MDGA2: variants seen among roughly 807,000 people sequenced by gnomAD.
The protein encoded by MDGA2 is MAM domain-containing glycosylphosphatidylinositol anchor protein 2.
In MDGA2, 40 loss-of-function variants were observed where a neutral mutation model predicts 117.8. The ratio of observed to expected loss-of-function variants is 0.34; its 90% CI spans 0.26 to 0.44. The LOEUF (loss-of-function observed/expected upper bound fraction) is 0.44. Ranked by LOEUF, MDGA2 falls within the 20% of genes least tolerant of loss-of-function variation. The pLI, the probability that MDGA2 is intolerant of heterozygous loss-of-function variation, is 1.00. For missense variants in MDGA2, 1,123 were observed against 1,250.6 expected, an observed-to-expected ratio of 0.90 and a Z score of 1.54; for synonymous variants, 452 against 439.0, an observed-to-expected ratio of 1.03 and a Z score of -0.37.
intron 1 of MDGA2, among the ~76,000 whole-genome samples, chr14:47,420,427 A>T (rs1188928922): frequency 6.6e-6 from 1 of 152,180 alleles, no homozygotes; most frequent in African/African-American, 2.4e-5. Flanking sequence ...GGAAAATCTT[A>T]CATACCAATT....
chr14:47,665,074 C>G (rs1402516977), intron 1 of MDGA2, among the ~76,000 whole-genome samples: 3 of 152,138 alleles, frequency 2.0e-5, no homozygotes, highest in Admixed American at 6.5e-5. Flanking sequence ...GGCTTTATTA[C>G]ACACCCATTC....
At chr14:47,389,827 A>T (rs1001759438) in intron 1 of MDGA2, among the ~76,000 whole-genome samples, 1 of 152,252 alleles carries the variant, frequency 6.6e-6, no homozygotes, top group Non-Finnish European at 1.5e-5. Flanking sequence ...GGATTCTAAC[A>T]TAATTCCCTT....
At chr14:47,150,759 A>AAAATATAAAATATAAAAT (rs1883129456) in intron 3 of MDGA2, among the ~76,000 whole-genome samples, 1 of 151,970 alleles carries the variant, frequency 6.6e-6, no homozygotes, top group Non-Finnish European at 1.5e-5. Context: ...CCTTGTCTCT[A>AAAATATAAAATATAAAAT]CTAAAAATAT....
intron 7 of MDGA2, 117 bp from the exon 8 acceptor site, chr14:47,035,421 T>C: frequency 1.3e-6 from 1 of 785,740 alleles, no homozygotes; most frequent in African/African-American, 1.7e-5. Context: ...ACAATTCGGA[T>C]GATCAAAAAC....
chr14:47,311,318 A>C (rs1403790305), intron 1 of MDGA2, among the ~76,000 whole-genome samples: 1 of 152,176 alleles, frequency 6.6e-6, no homozygotes, highest in Non-Finnish European at 1.5e-5. Flanking sequence ...AAAACAAATA[A>C]AATTTACTGT....
intron 2 of MDGA2, among the ~76,000 whole-genome samples, chr14:47,252,230 T>G (rs1241343449): frequency 6.6e-6 from 1 of 152,110 alleles, no homozygotes; most frequent in Admixed American, 6.6e-5. Flanking sequence ...AAATACTAGA[T>G]TCTCATGAAG....
chr14:47,434,543 T>A (rs1412563527), intron 1 of MDGA2, among the ~76,000 whole-genome samples: 2 of 152,156 alleles, frequency 1.3e-5, no homozygotes, highest in African/African-American at 4.8e-5. Context: ...AATATCATTC[T>A]CAGTGTGTAT....
At chr14:46,946,954 A>G (rs1461394624) in intron 9 of MDGA2, among the ~76,000 whole-genome samples, 1 of 152,054 alleles carries the variant, frequency 6.6e-6, no homozygotes, top group Non-Finnish European at 1.5e-5. Flanking sequence ...CATTGACTCA[A>G]GTCTTAATAC....
chr14:47,476,314 T>C (rs1215255470), intron 1 of MDGA2, among the ~76,000 whole-genome samples: 1 of 151,986 alleles, frequency 6.6e-6, no homozygotes, highest in Non-Finnish European at 1.5e-5. Flanking sequence ...TTTATAAATT[T>C]AATCTAGAAT....
chr14:47,214,838 C>A (rs1294651713), intron 3 of MDGA2, among the ~76,000 whole-genome samples: 1 of 152,046 alleles, frequency 6.6e-6, no homozygotes, highest in African/African-American at 2.4e-5. Context: ...TATAAAAGCT[C>A]TCTAAGACTA....
chr14:47,389,575 C>CA (rs1265606570), intron 1 of MDGA2, among the ~76,000 whole-genome samples: 4 of 149,864 alleles, frequency 2.7e-5, no homozygotes, highest in African/African-American at 9.9e-5. Context: ...TTGTCAATTA[C>CA]CCTTTTGCAG....
chr14:47,131,221 C>G (rs1435013475), intron 5 of MDGA2, among the ~76,000 whole-genome samples: 1 of 151,958 alleles, frequency 6.6e-6, no homozygotes, highest in Non-Finnish European at 1.5e-5. Flanking sequence ...TGAACAAAGG[C>G]TAACTTAAGT....
intron 1 of MDGA2, among the ~76,000 whole-genome samples, chr14:47,609,428 CATATATATATATATAT>C (rs3040345): frequency 0.025 from 437 of 17,566 alleles, 73 homozygotes; most frequent in African/African-American, 0.049. Flanking sequence ...AGTATTCCAT[CATATATATATATATAT>C]ATATATATAT....
At chr14:47,380,258 A>G (rs2138415089) in intron 1 of MDGA2, among the ~76,000 whole-genome samples, 1 of 152,322 alleles carries the variant, frequency 6.6e-6, no homozygotes, top group Non-Finnish European at 1.5e-5. Context: ...AATGCCCACA[A>G]GAGAAAGCAG....
intron 1 of MDGA2, among the ~76,000 whole-genome samples, chr14:47,565,556 G>A (rs957647616): frequency 6.6e-6 from 1 of 152,198 alleles, no homozygotes; most frequent in Non-Finnish European, 1.5e-5. Context: ...ACAATTCTCT[G>A]AGGGTGGTGC....
chr14:47,672,863 T>G (rs1475029802), intron 1 of MDGA2, among the ~76,000 whole-genome samples: 1 of 152,120 alleles, frequency 6.6e-6, no homozygotes. Context: ...ACAAGAGCAC[T>G]AAGTTAATTC....
chr14:46,873,264 G>A, intron 14 of MDGA2, 169 bp downstream of exon 14: 1 of 543,570 alleles, frequency 1.8e-6, no homozygotes, highest in Non-Finnish European at 3.0e-6. Context: ...TAAATTAGAT[G>A]GTGGGAAAAA....
chr14:46,852,960 A>AG (rs1366608130), intron 15 of MDGA2, among the ~76,000 whole-genome samples: 3 of 151,940 alleles, frequency 2.0e-5, no homozygotes, highest in African/African-American at 7.2e-5. Context: ...CTTGTAAAAA[A>AG]AATAACGAAA....
chr14:47,535,574 C>T (rs1037258885), intron 1 of MDGA2, among the ~76,000 whole-genome samples: 1 of 152,148 alleles, frequency 6.6e-6, no homozygotes, highest in Non-Finnish European at 1.5e-5. Context: ...AGAAGTGGCT[C>T]TGAGTCGGGA....
Sources: gnomAD v4.1 joint callset for allele counts (sites outside exome capture counted in the v4.1 genomes callset) on GRCh38, gnomAD v4.1.1 for gene constraint, MANE v1.5 for transcripts, NCBI Gene and HGNC (gene_info 2026-07-23, HGNC 2026-07-21) for gene names.